Variants in TP53BP1 observed in about 807,000 individuals in gnomAD.
TP53BP1 encodes TP53-binding protein 1.
A neutral mutation model predicts 200.8 loss-of-function variants in TP53BP1; 61 were observed. The ratio of observed to expected loss-of-function variants is 0.30; its 90% CI spans 0.25 to 0.38. The LOEUF (loss-of-function observed/expected upper bound fraction) is 0.38, where lower values mean the gene tolerates loss of function less well. TP53BP1 is among the 10% of genes least tolerant of loss of function. TP53BP1 has a pLI of 1.00. For missense variants in TP53BP1, 2,144 were observed against 2,371.9 expected (o/e 0.90, Z 2.00); for synonymous variants, 822 against 844.3 (o/e 0.97, Z 0.46).
chr15:43,416,532 C>T (rs1247431880), intron 21 of TP53BP1, 116 bp from the exon 22 acceptor site: 8 of 981,954 alleles, frequency 8.1e-6, no homozygotes. Flanking sequence ...CAACAGTGGA[C>T]TGAAGTTAGG....
rs1020664897 is a variant in TP53BP1 at position 43,407,581 on chromosome 15, C to T, written c.5747-11G>A. ...CCCCTAAAGCAATATCTGCAAGGAGCAAGGGAAAGTGAAGAAGGAAAGGAC... is the reference window on the plus strand; with the variant it reads ...CCCCTAAAGCAATATCTGCAAGGAGTAAGGGAAAGTGAAGAAGGAAAGGAC... On this transcript the variant is annotated splice_polypyrimidine_tract_variant and intron_variant, in intron 27 of 27. Coordinates refer to ENST00000382044, the MANE Select transcript of TP53BP1 (RefSeq NM_001141980.3). 1 of 1,602,314 alleles carries T rather than the reference C, an allele frequency of 6.2e-7. No individual in the cohort carries two copies. The highest frequency in any genetic ancestry group is 8.5e-7 in the Non-Finnish European group (1 of 1,172,648).
At chr15:43,409,126 T>A in intron 25 of TP53BP1, 30 bp from the exon 26 acceptor site, 1 of 1,608,482 alleles carries the variant, frequency 6.2e-7, no homozygotes, top group Non-Finnish European at 8.5e-7. Flanking sequence ...GCCAATGGGT[T>A]TGGTGACTTC....
intron 27 of TP53BP1, 75 bp from the exon 28 acceptor site, chr15:43,407,645 C>T: frequency 7.2e-7 from 1 of 1,389,690 alleles, no homozygotes; most frequent in Non-Finnish European, 9.9e-7. Context: ...AGATTTGATT[C>T]TAACCAATAC....
chr15:43,508,008 C>T (rs921667683), intron 1 of TP53BP1, among the ~76,000 whole-genome samples: 1 of 152,228 alleles, frequency 6.6e-6, no homozygotes, highest in Non-Finnish European at 1.5e-5. Flanking sequence ...AGCCACCACT[C>T]CTGTCCAGTT....
At chr15:43,452,820 A>G (rs745339717) in intron 12 of TP53BP1, among the ~76,000 whole-genome samples, 1 of 152,204 alleles carries the variant, frequency 6.6e-6, no homozygotes, top group African/African-American at 2.4e-5. Flanking sequence ...CCAATTAACA[A>G]TGTAAACAAG....
chr15:43,491,133 T>G (rs972919744), intron 4 of TP53BP1, among the ~76,000 whole-genome samples: 1 of 151,780 alleles, frequency 6.6e-6, no homozygotes, highest in Non-Finnish European at 1.5e-5. Context: ...CTAGATAAAG[T>G]ACACTGGTAC....
chr15:43,415,868 C>T, intron 22 of TP53BP1, 59 bp from the exon 23 acceptor site: 1 of 1,422,316 alleles, frequency 7.0e-7, no homozygotes, highest in East Asian at 2.3e-5. Flanking sequence ...CCCTGAACTC[C>T]AAGAAACTGG....
intron 14 of TP53BP1, among the ~76,000 whole-genome samples, chr15:43,442,757 C>CAA (rs1312767274): frequency 6.6e-6 from 1 of 150,908 alleles, no homozygotes. Context: ...CTCAGGTTCC[C>CAA]AAAGTGTGCT....
intron 13 of TP53BP1, chr15:43,447,057 C>T (rs1375458895): frequency 2.1e-6 from 1 of 468,966 alleles, no homozygotes; most frequent in Non-Finnish European, 4.1e-6. Flanking sequence ...ACTTCCTGTT[C>T]CATCCTTATA....
Position 43,480,927 on chromosome 15 carries a change from G to A in TP53BP1, c.467C>T (p.Ser156Leu). Reference sequence around the variant, plus strand: ...ACCAAGGGAATGTGTAGTATTGCCTGAAGTATCTTCTTCCTTCTCTTTCTC... The same window carrying A: ...ACCAAGGGAATGTGTAGTATTGCCTAAAGTATCTTCTTCCTTCTCTTTCTC... ...QKEKEKEEDT[S>L]GNTTHSLGAE... is the part of the protein sequence containing the mutation. The change falls in exon 5 of 28, where the codon TCA becomes TTA. Residue 156 changes from serine (S) to leucine (L), a missense_variant. Transcript: ENST00000382044. The A allele has an allele frequency of 6.2e-7, 1 of 1,614,084 alleles. No individual in the cohort carries two copies.
Position 43,506,622 on chromosome 15 carries a change from T to G in TP53BP1, c.-9+3748A>C, listed in dbSNP as rs558598575. On this transcript the variant is annotated intron_variant, in intron 1 of 27. Coordinates refer to the TP53BP1 transcript ENST00000263801. Reference sequence around the variant, plus strand: ...GGTGTGCCACTATATCTGCCAATTTTGCTTGACAAGACTGTGGAAGAAGCT... The same window carrying G: ...GGTGTGCCACTATATCTGCCAATTTGGCTTGACAAGACTGTGGAAGAAGCT... Among the ~76,000 whole-genome samples, 5 of 152,332 alleles carry G rather than the reference T, an allele frequency of 3.3e-5. No individual in the cohort carries two copies. The South Asian group carries it at 1.0e-3, about 32-fold the overall frequency.
chr15:43,457,824 G>C (rs2046337668), intron 11 of TP53BP1, among the ~76,000 whole-genome samples: 1 of 151,508 alleles, frequency 6.6e-6, no homozygotes. Flanking sequence ...TTCAAGACCA[G>C]CCTGGCCAAC....
In TP53BP1 at chr15:43,405,314, G is replaced by C; in HGVS notation, c.*2069C>G. Reference sequence around the variant, plus strand: ...TAGCCACACACAAATAAATATCTGCGGCTTAGTGATAGGACTCTACCTTTT... The same window carrying C: ...TAGCCACACACAAATAAATATCTGCCGCTTAGTGATAGGACTCTACCTTTT... On this transcript the variant is annotated 3_prime_UTR_variant, in exon 28 of 28. Transcript: ENST00000382044. 10 of 1,391,098 alleles carry C rather than the reference G, an allele frequency of 7.2e-6. No individual in the cohort carries two copies. Among genetic ancestry groups the C allele is most frequent in the Non-Finnish European group, 1.0e-5 (10 of 983,560 alleles). The allele number at this position is 1,391,098 out of a possible 1,614,324, so 86.2% of individuals were successfully genotyped here.
intron 18 of TP53BP1, among the ~76,000 whole-genome samples, chr15:43,424,910 G>T (rs1398304028): frequency 6.6e-6 from 1 of 152,232 alleles, no homozygotes. Context: ...CTGCCCTCAT[G>T]AATGGATTAG....
chr15:43,488,092 C>T (rs145038195), intron 4 of TP53BP1, among the ~76,000 whole-genome samples: 1,600 of 151,944 alleles, frequency 0.011, 17 homozygotes, highest in Non-Finnish European at 0.017. Flanking sequence ...TGAGCCCAGG[C>T]ATTGGAGACC....
At chr15:43,509,693 G>A (rs910640843) in intron 1 of TP53BP1, among the ~76,000 whole-genome samples, 1 of 152,182 alleles carries the variant, frequency 6.6e-6, no homozygotes, top group African/African-American at 2.4e-5. Context: ...ACAGGCGTGG[G>A]CCACTGTGCC....
chr15:43,480,421 C>G (rs537648585), intron 5 of TP53BP1, among the ~76,000 whole-genome samples: 9 of 152,160 alleles, frequency 5.9e-5, no homozygotes, highest in Non-Finnish European at 1.2e-4. Context: ...GCACTCTAAC[C>G]TGGGCAACAG....
chr15:43,446,544 C>T lies in TP53BP1; in HGVS notation c.2883G>A (p.Met961Ile), dbSNP rs759913529. 6.2e-7 allele frequency: 1 copy of T among 1,614,022 alleles called. No individual in the cohort carries two copies. Among genetic ancestry groups the T allele is most frequent in the African/African-American group, 1.3e-5 (1 of 74,898 alleles). The change falls in exon 14 of 28, where the codon ATG becomes ATA. Residue 961 changes from methionine to isoleucine, a missense_variant. Physicochemically the swap from Met to Ile is conservative, Grantham distance 10. Transcript: ENST00000382044. ...PESTIATSDV[M>I]SESMVETHDP... ...CATGGGTCTCCACCATGCTTTCAGA[C>T]ATGACATCACTGGTTGCTATGGTGC...
chr15:43,509,246 A>G (rs2079257370), intron 1 of TP53BP1, among the ~76,000 whole-genome samples: 1 of 136,046 alleles, frequency 7.4e-6, no homozygotes, highest in East Asian at 2.2e-4. Context: ...TAGTCATGAG[A>G]CTAGAGGGTG....
Sources: allele counts gnomAD v4.1 joint callset (sites outside exome capture counted in the v4.1 genomes callset), GRCh38; gene constraint gnomAD v4.1.1; transcripts MANE v1.5; gene names NCBI Gene and HGNC (gene_info 2026-07-23, HGNC 2026-07-21).